Variants in MACO1 observed in about 807,000 individuals in gnomAD.
The protein encoded by MACO1 is macoilin 1.
MACO1 carries 14 observed loss-of-function variants against 78.7 expected under a neutral mutation model. The observed-to-expected ratio is 0.18, with a 90% CI of 0.12 to 0.28. The LOEUF (loss-of-function observed/expected upper bound fraction) is 0.28. Ranked by LOEUF, MACO1 falls within the 10% of genes least tolerant of loss-of-function variation. The pLI, the probability that MACO1 is intolerant of heterozygous loss-of-function variation, is 1.00. For synonymous variants in MACO1, 288 were observed against 291.6 expected (o/e 0.99, Z 0.12); for missense variants, 501 against 799.0 (o/e 0.63, Z 4.50).
intron 10 of MACO1, among the ~76,000 whole-genome samples, chr1:25,493,727 C>CTTTTT (rs1189775109): frequency 7.1e-4 from 65 of 92,030 alleles, no homozygotes; most frequent in African/African-American, 1.0e-3. Flanking sequence ...TAGTTTGATT[C>CTTTTT]TTTTTTTTTT....
intron 1 of MACO1, among the ~76,000 whole-genome samples, chr1:25,441,683 G>C (rs985662265): frequency 9.2e-5 from 14 of 152,206 alleles, no homozygotes; most frequent in Non-Finnish European, 8.8e-5. Flanking sequence ...GATGCTACGT[G>C]AATATGTAAT....
At chr1:25,490,837 AAG>A (rs1393352757) in intron 9 of MACO1, among the ~76,000 whole-genome samples, 1 of 152,218 alleles carries the variant, frequency 6.6e-6, no homozygotes, top group Admixed American at 6.5e-5. Context: ...AAAAGATTAA[AAG>A]AAATATTAAA....
At chr1:25,464,975 A>ATTTTT (rs374057922) in intron 6 of MACO1, among the ~76,000 whole-genome samples, 1 of 141,202 alleles carries the variant, frequency 7.1e-6, no homozygotes, top group Non-Finnish European at 1.5e-5. Context: ...CGCCCAGGCA[A>ATTTTT]TTTTTTTTTT....
chr1:25,489,348 C>T, intron 9 of MACO1, 55 bp downstream of exon 9: 1 of 1,597,986 alleles, frequency 6.3e-7, no homozygotes, highest in Middle Eastern at 1.7e-4. Flanking sequence ...TTATGCTAAA[C>T]TTGTGCTCTG....
intron 6 of MACO1, among the ~76,000 whole-genome samples, chr1:25,468,738 G>A (rs766275590): frequency 2.6e-5 from 4 of 152,166 alleles, no homozygotes; most frequent in Non-Finnish European, 4.4e-5. Flanking sequence ...GATTTTTTCA[G>A]GAATCTCTAA....
chr1:25,432,147 C>A (rs2042880458), intron 1 of MACO1, among the ~76,000 whole-genome samples: 1 of 152,210 alleles, frequency 6.6e-6, no homozygotes, highest in Non-Finnish European at 1.5e-5. Flanking sequence ...AAGAAGAATT[C>A]TCAGCATGTG....
At chr1:25,494,666 G>A (rs1163449680) in intron 10 of MACO1, among the ~76,000 whole-genome samples, 1 of 152,194 alleles carries the variant, frequency 6.6e-6, no homozygotes, top group African/African-American at 2.4e-5. Context: ...GAGATGATAA[G>A]TATGGGGAGG....
At chr1:25,495,979 A>C (rs759177582) in intron 10 of MACO1, among the ~76,000 whole-genome samples, 4 of 152,132 alleles carry the variant, frequency 2.6e-5, no homozygotes, top group African/African-American at 4.8e-5. Flanking sequence ...TGAACAAAAC[A>C]AAACCAAAAT....
chr1:25,472,305 G>C (rs1321231150), intron 6 of MACO1, among the ~76,000 whole-genome samples: 1 of 152,074 alleles, frequency 6.6e-6, no homozygotes, highest in Admixed American at 6.6e-5. Flanking sequence ...ATAGTGGTTT[G>C]CTGCACCCAT....
intron 10 of MACO1, among the ~76,000 whole-genome samples, chr1:25,496,164 T>C (rs540453554): frequency 5.5e-4 from 84 of 151,908 alleles, no homozygotes; most frequent in Admixed American, 1.5e-3. Flanking sequence ...TTTTCTTTTT[T>C]TTTTTGAGAC....
At chr1:25,471,857 C>T (rs904495787) in intron 6 of MACO1, among the ~76,000 whole-genome samples, 4 of 152,096 alleles carry the variant, frequency 2.6e-5, no homozygotes, top group Non-Finnish European at 5.9e-5. Context: ...CTTGGTATTT[C>T]ACAGAAAGTT....
At chr1:25,433,262 C>T (rs1361438577) in intron 1 of MACO1, among the ~76,000 whole-genome samples, 1 of 151,654 alleles carries the variant, frequency 6.6e-6, no homozygotes, top group Non-Finnish European at 1.5e-5. Flanking sequence ...GACTGAAGAA[C>T]AAGATTTTTT....
At position 25,499,695 on chromosome 1, in the gene MACO1, G is replaced by A. The variant is rs562237523; in HGVS notation, c.*1229G>A. On this transcript the variant is annotated 3_prime_UTR_variant, in exon 11 of 11. Coordinates refer to ENST00000374343, the MANE Select transcript of MACO1 (RefSeq NM_018202.6). ...GTTTAAGAATCAGGGTGGGGGTGGC[G>A]GGAGGGACCGGGTGGGGGCAATGCA... 2 of 151,192 alleles carry A rather than the reference G, an allele frequency of 1.3e-5. No individual in the cohort carries two copies. The highest frequency in any genetic ancestry group is 2.1e-4 in the South Asian group (1 of 4,766). The allele number at this position is 151,192 out of a possible 1,614,324, so 9.4% of individuals were successfully genotyped here.
intron 3 of MACO1, among the ~76,000 whole-genome samples, chr1:25,449,204 T>C (rs2043043383): frequency 6.6e-6 from 1 of 152,108 alleles, no homozygotes; most frequent in South Asian, 2.1e-4. Flanking sequence ...AAAAAAATAG[T>C]TGGACTGATT....
At chr1:25,490,960 A>G (rs2043480649) in intron 9 of MACO1, among the ~76,000 whole-genome samples, 1 of 152,232 alleles carries the variant, frequency 6.6e-6, no homozygotes, top group Non-Finnish European at 1.5e-5. Context: ...AAAAATTCAA[A>G]TATCTGTATA....
intron 6 of MACO1, among the ~76,000 whole-genome samples, chr1:25,463,121 T>C (rs1409120259): frequency 2.0e-5 from 3 of 152,148 alleles, no homozygotes; most frequent in Non-Finnish European, 4.4e-5. Flanking sequence ...CTTTCCCCCT[T>C]ATTAGATTGT....
At chr1:25,447,399 T>G (rs1490275368) in intron 2 of MACO1, among the ~76,000 whole-genome samples, 1 of 152,238 alleles carries the variant, frequency 6.6e-6, no homozygotes, top group African/African-American at 2.4e-5. Context: ...TATCCAGATT[T>G]ACTGTATTAG....
At chr1:25,497,329 G>A (rs954597451) in intron 10 of MACO1, among the ~76,000 whole-genome samples, 3 of 149,680 alleles carry the variant, frequency 2.0e-5, no homozygotes, top group East Asian at 2.0e-4. Context: ...GCAGTGAGCC[G>A]AGATCTCGCC....
At chr1:25,447,851 T>C (rs750819073) in intron 2 of MACO1, among the ~76,000 whole-genome samples, 35 of 152,236 alleles carry the variant, frequency 2.3e-4, no homozygotes, top group Non-Finnish European at 1.3e-4. Flanking sequence ...TTGATTAATG[T>C]GTTAATTCTG....
Sources: allele counts gnomAD v4.1 joint callset (sites outside exome capture counted in the v4.1 genomes callset), GRCh38; gene constraint gnomAD v4.1.1; transcripts MANE v1.5; gene names NCBI Gene and HGNC (gene_info 2026-07-23, HGNC 2026-07-21).